SNAPIN: variants seen among roughly 807,000 people sequenced by gnomAD.
The protein encoded by SNAPIN is SNARE-associated protein Snapin.
In SNAPIN, 16 loss-of-function variants were observed where a neutral mutation model predicts 15.9. That is an observed-to-expected ratio of 1.01 (90% confidence interval 0.68 to 1.53). The LOEUF is 1.53. SNAPIN is among the 40% of genes most tolerant of loss of function. The probability of loss-of-function intolerance (pLI) is 0.00; values close to 1 mark genes in which losing one functional copy is unlikely to be tolerated. For synonymous variants in SNAPIN, 83 were observed against 76.2 expected (o/e 1.09, Z -0.46); for missense variants, 186 against 180.1 (o/e 1.03, Z -0.19).
intron 3 of SNAPIN, among the ~76,000 whole-genome samples, chr1:153,660,708 A>T (rs1447446191): frequency 6.7e-6 from 1 of 150,074 alleles, no homozygotes; most frequent in African/African-American, 2.4e-5. Flanking sequence ...GGCTGTTCTC[A>T]AACTGGGCTC....
intron 3 of SNAPIN, 27 bp downstream of exon 3, chr1:153,659,593 T>C: frequency 6.6e-7 from 1 of 1,516,720 alleles, no homozygotes; most frequent in Non-Finnish European, 9.2e-7. Context: ...CCAACAGTGA[T>C]TCTTTGCCCT....
intron 1 of SNAPIN, 86 bp downstream of exon 1, chr1:153,658,972 C>T (rs1248004778): frequency 1.3e-6 from 2 of 1,592,652 alleles, no homozygotes; most frequent in Admixed American, 3.6e-5. Context: ...TGGGAGTGGG[C>T]ATAAATTTAG....
Position 153,659,495 on chromosome 1 carries a change from C to G in SNAPIN, c.238C>G (p.Pro80Ala), listed in dbSNP as rs1419910623. Residue 80 changes from proline (P) to alanine (A), a missense_variant, in exon 3 of 4, where the codon CCC becomes GCC. Coordinates refer to ENST00000368685, the MANE Select transcript of SNAPIN (RefSeq NM_012437.6). ...EDQKVALDLD[P>A]YVKKLLNARR... ...TCAGAAGGTGGCCCTGGATCTTGACCCCTATGTTAAGAAGCTACTTAATGC... is the reference window on the plus strand; with the variant it reads ...TCAGAAGGTGGCCCTGGATCTTGACGCCTATGTTAAGAAGCTACTTAATGC... 4 of 1,613,974 alleles carry G rather than the reference C, an allele frequency of 2.5e-6. No homozygotes were observed. In the African/African-American group the frequency reaches 5.3e-5, roughly 22 times the overall value.
At position 153,659,450 on chromosome 1, in the gene SNAPIN, C is replaced by T; in HGVS notation, c.193C>T (p.Leu65=). The T allele has an allele frequency of 6.2e-7, 1 of 1,612,032 alleles. No individual in the cohort carries two copies. The highest frequency in any genetic ancestry group is 8.5e-7 in the Non-Finnish European group (1 of 1,178,082). Residue 65 remains leucine, a splice_region_variant and synonymous_variant, in exon 3 of 4, where the codon CTG becomes TTG. Coordinates refer to ENST00000368685, the MANE Select transcript of SNAPIN (RefSeq NM_012437.6). ...REQIDNLATE[L]CRINEDQKVA... ...CTGCACCTTACTTCCATCCCCAGAACTGTGCCGCATAAATGAGGATCAGAA... is the reference window on the plus strand; with the variant it reads ...CTGCACCTTACTTCCATCCCCAGAATTGTGCCGCATAAATGAGGATCAGAA...
rs746255445 is a variant in SNAPIN, at chr1:153,659,458, C to G, written c.201C>G (p.Arg67=). The G allele has an allele frequency of 1.2e-6, 2 of 1,613,290 alleles. No homozygotes were observed. Among genetic ancestry groups the G allele is most frequent in the Non-Finnish European group, 1.7e-6 (2 of 1,179,388 alleles). Residue 67 remains arginine (R), a synonymous_variant, in exon 3 of 4, where the codon CGC becomes CGG. Transcript: ENST00000368685. ...TACTTCCATCCCCAGAACTGTGCCG[C>G]ATAAATGAGGATCAGAAGGTGGCCC... ...QIDNLATELC[R]INEDQKVALD... is the part of the protein sequence containing the mutation.
chr1:153,661,006 G>C (rs1416896481), intron 3 of SNAPIN, among the ~76,000 whole-genome samples, 194 bp from the exon 4 acceptor site: 1 of 151,488 alleles, frequency 6.6e-6, no homozygotes, highest in Non-Finnish European at 1.5e-5. Flanking sequence ...CTGACCTCAG[G>C]TAATCCACCC....
At chr1:153,660,740 C>T (rs185511487) in intron 3 of SNAPIN, among the ~76,000 whole-genome samples, 3 of 150,474 alleles carry the variant, frequency 2.0e-5, no homozygotes, top group East Asian at 3.9e-4. Context: ...CTGCCACTTC[C>T]TCCTAAATGG....
chr1:153,658,715 G>A lies in SNAPIN; in HGVS notation c.-29G>A, dbSNP rs147431703. ...GCTCCGGTTCCCGGCGGCCCTCGCG[G>A]CAGGTTTCGGGCTTCAGGACAATTC... On this transcript the variant is annotated 5_prime_UTR_variant, in exon 1 of 4. Coordinates refer to ENST00000368685, the MANE Select transcript of SNAPIN (RefSeq NM_012437.6). The A allele has an allele frequency of 4.1e-4, 616 of 1,500,672 alleles. 1 individual carries two copies. Among genetic ancestry groups the A allele is most frequent in the Middle Eastern group, 3.2e-3 (14 of 4,338 alleles). The allele number at this position is 1,500,672 out of a possible 1,614,324, so 93.0% of individuals were successfully genotyped here. A position where few individuals can be genotyped will look rare whatever the true frequency, so the allele number is the denominator to read the frequency against.
Position 153,658,708 on chromosome 1 carries a change from C to A in SNAPIN, c.-36C>A. The A allele has an allele frequency of 6.7e-7, 1 of 1,493,932 alleles. No homozygotes were observed. Among genetic ancestry groups the A allele is most frequent in the Non-Finnish European group, 8.9e-7 (1 of 1,129,182 alleles). 92.5% of individuals were successfully genotyped at this position (1,493,932 alleles called of 1,614,324 possible). On this transcript the variant is annotated 5_prime_UTR_variant, in exon 1 of 4. Coordinates refer to ENST00000368685, the MANE Select transcript of SNAPIN (RefSeq NM_012437.6). ...CGGCGCGGCTCCGGTTCCCGGCGGC[C>A]CTCGCGGCAGGTTTCGGGCTTCAGG...
At chr1:153,659,746 TTGTG>T (rs67464033) in intron 3 of SNAPIN, among the ~76,000 whole-genome samples, 180 bp downstream of exon 3, 3 of 151,472 alleles carry the variant, frequency 2.0e-5, no homozygotes, top group Admixed American at 6.6e-5. Flanking sequence ...ATTTACATTC[TTGTG>T]TGTGTGTGTG....
chr1:153,659,112 C>T, intron 1 of SNAPIN, 26 bp from the exon 2 acceptor site: 6 of 1,613,530 alleles, frequency 3.7e-6, no homozygotes, highest in Non-Finnish European at 5.1e-6. Flanking sequence ...ACTGCCTGAC[C>T]TTGTAGGCCT....
At position 153,661,422 on chromosome 1, in the gene SNAPIN, AC is replaced by A; in HGVS notation, c.*122del. ...CTTCAGACATTAAAAAGGGAGCCGTACAGTTTGTTTGAAGCACTTCGTCTTA... is the reference window on the plus strand; with the variant it reads ...CTTCAGACATTAAAAAGGGAGCCGTAAGTTTGTTTGAAGCACTTCGTCTTA... On this transcript the variant is annotated 3_prime_UTR_variant, in exon 4 of 4. Coordinates refer to ENST00000368685, the MANE Select transcript of SNAPIN (RefSeq NM_012437.6). 1.3e-6 allele frequency: 1 copy of A among 769,368 alleles called. No homozygotes were observed. The highest frequency in any genetic ancestry group is 2.1e-6 in the Non-Finnish European group (1 of 480,862). The allele number at this position is 769,368 out of a possible 1,614,324, so 47.7% of individuals were successfully genotyped here.
chr1:153,658,984 A>T, intron 1 of SNAPIN, 98 bp downstream of exon 1: 1 of 1,588,008 alleles, frequency 6.3e-7, no homozygotes, highest in Non-Finnish European at 8.6e-7. Flanking sequence ...TAAATTTAGG[A>T]AACTGATTCG....
In SNAPIN at chr1:153,661,234, A is replaced by G; in HGVS notation, c.344A>G (p.Lys115Arg). ...AGACGGCTAAACCACAGTGTTGCCA[A>G]GGAAACAGCCCGCAGGAGAGCAATG... is the stretch of plus-strand genomic sequence containing the variant. ...RLRRLNHSVAKETARRRAMLD... is the reference protein window; with the variant it reads ...RLRRLNHSVARETARRRAMLD... The change falls in exon 4 of 4, where the codon AAG (lysine) becomes AGG (arginine). Residue 115 changes from lysine to arginine, a missense_variant. Transcript: ENST00000368685. 6.2e-7 allele frequency: 1 copy of G among 1,613,850 alleles called. No homozygotes were observed. The highest frequency in any genetic ancestry group is 8.5e-7 in the Non-Finnish European group (1 of 1,179,836).
At chr1:153,661,112 T>C in intron 3 of SNAPIN, 88 bp from the exon 4 acceptor site, 10 of 1,030,826 alleles carry the variant, frequency 9.7e-6, no homozygotes, top group Non-Finnish European at 1.5e-5. Context: ...TTGAGGTAGA[T>C]CACGCCCGGT....
At position 153,661,188 on chromosome 1, in the gene SNAPIN, CT is replaced by C; in HGVS notation, c.310-10del. On this transcript the variant is annotated splice_polypyrimidine_tract_variant and intron_variant, in intron 3 of 3. Coordinates refer to ENST00000368685, the MANE Select transcript of SNAPIN (RefSeq NM_012437.6). ...ACAGTGGTTAAGATTCCAAACCTTC[CT>C]TGTCTTGTAGGAACGACTGAGACGG... is the stretch of plus-strand genomic sequence containing the variant. The C allele has an allele frequency of 6.2e-7, 1 of 1,611,570 alleles. No homozygotes were observed. The highest frequency in any genetic ancestry group is 8.5e-7 in the Non-Finnish European group (1 of 1,178,054).
intron 2 of SNAPIN, 76 bp downstream of exon 2, chr1:153,659,260 T>C: frequency 6.7e-7 from 1 of 1,501,236 alleles, no homozygotes; most frequent in Non-Finnish European, 9.3e-7. Context: ...ACCCCTGGGC[T>C]GAGTTTCTGT....
chr1:153,658,897 G>A lies in SNAPIN; in HGVS notation c.143+11G>A, dbSNP rs1267582682. ...CGTACACGCCGTCAGGTGCCCGGGAGGGAAGTTGGGGGCGGGGCCTGTCTC... is the reference window on the plus strand; with the variant it reads ...CGTACACGCCGTCAGGTGCCCGGGAAGGAAGTTGGGGGCGGGGCCTGTCTC... On this transcript the variant is annotated intron_variant, in intron 1 of 3. Coordinates refer to ENST00000368685, the MANE Select transcript of SNAPIN (RefSeq NM_012437.6). The A allele has an allele frequency of 1.2e-6, 2 of 1,609,538 alleles. No homozygotes were observed. The highest frequency in any genetic ancestry group is 1.7e-6 in the Non-Finnish European group (2 of 1,179,226).
intron 2 of SNAPIN, 77 bp downstream of exon 2, chr1:153,659,261 G>C (rs1309165249): frequency 6.7e-7 from 1 of 1,501,444 alleles, no homozygotes; most frequent in South Asian, 1.1e-5. Context: ...CCCCTGGGCT[G>C]AGTTTCTGTC....
Sources: gnomAD v4.1 joint callset for allele counts (sites outside exome capture counted in the v4.1 genomes callset) on GRCh38, gnomAD v4.1.1 for gene constraint, MANE v1.5 for transcripts, NCBI Gene and HGNC (gene_info 2026-07-23, HGNC 2026-07-21) for gene names.